The following BMPR2 variants were observed in gnomAD, a reference collection of about 807,000 sequenced individuals.
The protein encoded by BMPR2 is bone morphogenetic protein receptor type 2, also known as bone morphogenetic protein receptor type-2.
Under a neutral mutation model 100.8 loss-of-function variants are expected in BMPR2, and 29 were observed. The observed-to-expected ratio is 0.29, with a 90% confidence interval of 0.21 to 0.39. The LOEUF (loss-of-function observed/expected upper bound fraction) is 0.39, where lower values mean the gene tolerates loss of function less well. Among genes scored for constraint, BMPR2 ranks in the 10% least tolerant of loss-of-function variants. The pLI, the probability that BMPR2 is intolerant of heterozygous loss-of-function variation, is 1.00. For missense variants in BMPR2, 1,011 were observed against 1,274.5 expected, an observed-to-expected ratio of 0.79 and a Z score of 3.15; for synonymous variants, 382 against 442.3, an observed-to-expected ratio of 0.86 and a Z score of 1.71.
intron 3 of BMPR2, among the ~76,000 whole-genome samples, chr2:202,479,077 C>T (rs1692608705): frequency 6.6e-6 from 1 of 152,190 alleles, no homozygotes; most frequent in South Asian, 2.1e-4. Context: ...GACTTAATAA[C>T]TTGATTTTAA....
chr2:202,485,315 G>A lies in BMPR2; in HGVS notation c.418+17626G>A, dbSNP rs1574472564. On this transcript the variant is annotated intron_variant, in intron 3 of 12. Coordinates refer to ENST00000374580, the MANE Select transcript of BMPR2 (RefSeq NM_001204.7). ...GGGTGACTAAAAATAACAGAAATTTGTTCTTGGACAGCTTTGGAGGCCAGC... is the reference window on the plus strand; with the variant it reads ...GGGTGACTAAAAATAACAGAAATTTATTCTTGGACAGCTTTGGAGGCCAGC... Among the ~76,000 whole-genome samples the A allele has an allele frequency of 2.6e-5, 4 of 151,952 alleles. No individual in the cohort carries two copies. In the East Asian group the frequency reaches 7.8e-4, roughly 29 times the overall value.
intron 1 of BMPR2, among the ~76,000 whole-genome samples, chr2:202,458,283 C>CAAAA (rs71035009): frequency 4.6e-4 from 24 of 52,294 alleles, no homozygotes; most frequent in East Asian, 1.5e-3. Flanking sequence ...CTTGTCTCTG[C>CAAAA]AAAAAAAAAA....
chr2:202,461,713 C>T (rs750436403), intron 1 of BMPR2, among the ~76,000 whole-genome samples: 11 of 152,000 alleles, frequency 7.2e-5, no homozygotes, highest in Admixed American at 2.6e-4. Flanking sequence ...AAATCAGAAG[C>T]AGCAGTTCAA....
chr2:202,501,836 G>A (rs994167823), intron 3 of BMPR2, among the ~76,000 whole-genome samples: 1 of 152,224 alleles, frequency 6.6e-6, no homozygotes, highest in Non-Finnish European at 1.5e-5. Flanking sequence ...TCTCCCAGAG[G>A]ATGGGGAACC....
chr2:202,475,887 A>G (rs939655618), intron 3 of BMPR2, among the ~76,000 whole-genome samples: 3 of 151,756 alleles, frequency 2.0e-5, no homozygotes, highest in African/African-American at 7.3e-5. Flanking sequence ...ACTGATCAAC[A>G]TGGAGAAACC....
At chr2:202,492,700 CAAAAAAA>C (rs1166246933) in intron 3 of BMPR2, among the ~76,000 whole-genome samples, 3 of 52,810 alleles carry the variant, frequency 5.7e-5, no homozygotes, top group African/African-American at 2.6e-4. Context: ...AGCTCTGTCT[CAAAAAAA>C]AAAAAAAAAA....
intron 1 of BMPR2, among the ~76,000 whole-genome samples, chr2:202,435,240 T>A (rs1691590777): frequency 6.8e-6 from 1 of 147,144 alleles, no homozygotes; most frequent in Admixed American, 6.7e-5. Flanking sequence ...TGTGGGCATC[T>A]GTAGTCCCAG....
chr2:202,533,788 T>C (rs1688072220), intron 9 of BMPR2, among the ~76,000 whole-genome samples: 1 of 151,740 alleles, frequency 6.6e-6, no homozygotes, highest in Non-Finnish European at 1.5e-5. Context: ...ACGCCATGGC[T>C]CTCCAGCCTG....
intron 1 of BMPR2, among the ~76,000 whole-genome samples, chr2:202,439,849 A>G (rs1334969175): frequency 6.7e-6 from 1 of 149,828 alleles, no homozygotes; most frequent in East Asian, 1.9e-4. Flanking sequence ...TCAGCAGATA[A>G]ACATGTGAAC....
At chr2:202,528,122 G>A (rs1475178086) in intron 7 of BMPR2, among the ~76,000 whole-genome samples, 1 of 152,188 alleles carries the variant, frequency 6.6e-6, no homozygotes, top group Non-Finnish European at 1.5e-5. Context: ...AGGAGGTCAA[G>A]ACTGCAGTGA....
intron 1 of BMPR2, among the ~76,000 whole-genome samples, chr2:202,461,435 G>C (rs1692223055): frequency 6.6e-6 from 1 of 152,116 alleles, no homozygotes; most frequent in Admixed American, 6.5e-5. Flanking sequence ...AGTGAGTCGA[G>C]ATCATGCCAC....
At chr2:202,468,738 A>G (rs1574464640) in intron 3 of BMPR2, among the ~76,000 whole-genome samples, 1 of 152,208 alleles carries the variant, frequency 6.6e-6, no homozygotes, top group Non-Finnish European at 1.5e-5. Flanking sequence ...TACCAACTAT[A>G]CAGCTATAAG....
At chr2:202,535,709 A>G (rs372690773) in intron 9 of BMPR2, among the ~76,000 whole-genome samples, 24 of 152,066 alleles carry the variant, frequency 1.6e-4, no homozygotes, top group Middle Eastern at 3.4e-3. Flanking sequence ...CTGCAATCTC[A>G]GCACTTTGGG....
chr2:202,478,167 GC>G (rs1364486482), intron 3 of BMPR2, among the ~76,000 whole-genome samples: 1 of 152,068 alleles, frequency 6.6e-6, no homozygotes, highest in African/African-American at 2.4e-5. Flanking sequence ...GCATTTTTAT[GC>G]TTTTTGTTGC....
At position 202,464,923 on chromosome 2, in the gene BMPR2, G is replaced by T. The variant is rs1692290460; in HGVS notation, c.191G>T (p.Ser64Ile). The T allele has an allele frequency of 5.0e-6, 8 of 1,614,112 alleles. No homozygotes were observed. The highest frequency in any genetic ancestry group is 6.8e-6 in the Non-Finnish European group (8 of 1,180,024). Residue 64 changes from serine to isoleucine, a missense_variant, in exon 2 of 13, where the codon AGC becomes ATC. Transcript: ENST00000374580. Reference sequence around the variant, plus strand: ...GGGACAATATTATGCTCGAAAGGTAGCACCTGCTATGGCCTTTGGGAGAAA... The same window carrying T: ...GGGACAATATTATGCTCGAAAGGTATCACCTGCTATGGCCTTTGGGAGAAA... ...ENGTILCSKG[S>I]TCYGLWEKSK...
intron 9 of BMPR2, among the ~76,000 whole-genome samples, chr2:202,540,169 A>G (rs1688245355): frequency 6.6e-6 from 1 of 152,148 alleles, no homozygotes; most frequent in Non-Finnish European, 1.5e-5. Flanking sequence ...TAAAATTATA[A>G]TTTGGACCTA....
chr2:202,462,625 C>T (rs563943401), intron 1 of BMPR2, among the ~76,000 whole-genome samples: 20 of 151,392 alleles, frequency 1.3e-4, no homozygotes, highest in South Asian at 6.3e-4. Context: ...TAAACCACCC[C>T]GTACCTTTTT....
intron 1 of BMPR2, among the ~76,000 whole-genome samples, chr2:202,390,140 A>G (rs1203310256): frequency 1.3e-5 from 2 of 152,196 alleles, no homozygotes. Flanking sequence ...TTGCTTCTAA[A>G]CAAGGTGGAA....
intron 3 of BMPR2, among the ~76,000 whole-genome samples, chr2:202,507,860 C>T (rs1044907163): frequency 1.1e-4 from 17 of 150,816 alleles, no homozygotes; most frequent in South Asian, 4.2e-4. Context: ...CCACCATGCC[C>T]GGCTAATTTT....
Sources: allele counts gnomAD v4.1 joint callset (sites outside exome capture counted in the v4.1 genomes callset), GRCh38; gene constraint gnomAD v4.1.1; transcripts MANE v1.5; gene names NCBI Gene and HGNC (gene_info 2026-07-23, HGNC 2026-07-21).